Variants in CACNA2D3 observed in about 807,000 individuals in gnomAD.
The protein encoded by CACNA2D3 is calcium voltage-gated channel auxiliary subunit alpha2delta 3.
Under a neutral mutation model 160.6 loss-of-function variants are expected in CACNA2D3, and 60 were observed. The ratio of observed to expected loss-of-function variants is 0.37; its 90% CI spans 0.30 to 0.46. The LOEUF (loss-of-function observed/expected upper bound fraction) is 0.46, where lower values mean the gene tolerates loss of function less well. Ranked by LOEUF, CACNA2D3 falls within the 20% of genes least tolerant of loss-of-function variation. The pLI, the probability that CACNA2D3 is intolerant of heterozygous loss-of-function variation, is 1.00. For synonymous variants in CACNA2D3, 558 were observed against 492.9 expected, an observed-to-expected ratio of 1.13 and a Z score of -1.75; for missense variants, 1,205 against 1,365.0, an observed-to-expected ratio of 0.88 and a Z score of 1.85.
At chr3:54,366,699 T>G (rs183630556) in intron 3 of CACNA2D3, among the ~76,000 whole-genome samples, 13 of 152,342 alleles carry the variant, frequency 8.5e-5, no homozygotes, top group African/African-American at 2.9e-4. Flanking sequence ...GCATTTCACT[T>G]TGGAAATCAC....
At chr3:54,951,962 C>T (rs1258877947) in intron 27 of CACNA2D3, among the ~76,000 whole-genome samples, 2 of 152,186 alleles carry the variant, frequency 1.3e-5, no homozygotes, top group African/African-American at 4.8e-5. Context: ...GATTCTCCTG[C>T]CTCAGCCTCC....
chr3:54,261,906 A>C (rs1559900152), intron 2 of CACNA2D3, among the ~76,000 whole-genome samples: 2 of 152,252 alleles, frequency 1.3e-5, no homozygotes, highest in East Asian at 3.9e-4. Context: ...CCCCCACTGG[A>C]ATTGCACAGA....
intron 2 of CACNA2D3, among the ~76,000 whole-genome samples, chr3:54,305,165 G>A (rs1559916358): frequency 6.6e-6 from 1 of 152,170 alleles, no homozygotes; most frequent in Non-Finnish European, 1.5e-5. Flanking sequence ...TATGAGACAA[G>A]ACAGTTATTA....
intron 2 of CACNA2D3, among the ~76,000 whole-genome samples, chr3:54,157,747 C>T (rs766233512): frequency 2.7e-5 from 4 of 150,908 alleles, no homozygotes; most frequent in Non-Finnish European, 5.9e-5. Flanking sequence ...GCCGAGATGG[C>T]GCCATTGCAC....
At chr3:54,498,224 G>GT (rs1206538651) in intron 4 of CACNA2D3, among the ~76,000 whole-genome samples, 2 of 151,464 alleles carry the variant, frequency 1.3e-5, no homozygotes, top group Non-Finnish European at 3.0e-5. Flanking sequence ...TTGTTTGTTT[G>GT]TTTTATCATG....
At position 54,982,418 on chromosome 3, in the gene CACNA2D3, C is replaced by T. The variant is rs761015000; in HGVS notation, c.2557-2190C>T. 4.6e-5 allele frequency among the ~76,000 whole-genome samples: 7 copies of T among 152,146 alleles called. No individual in the cohort carries two copies. In the South Asian group the frequency reaches 6.2e-4, roughly 14 times the overall value. On this transcript the variant is annotated intron_variant, in intron 29 of 37. Coordinates refer to ENST00000474759, the MANE Select transcript of CACNA2D3 (RefSeq NM_018398.3). ...GTTGGGCCTCTAACCCAGTCCCATC[C>T]TTTACCCAGGTAGATGCACCCCACT...
At chr3:54,604,839 A>G (rs1575376161) in intron 9 of CACNA2D3, among the ~76,000 whole-genome samples, 7 of 152,320 alleles carry the variant, frequency 4.6e-5, no homozygotes, top group African/African-American at 1.4e-4. Context: ...ATCAGATCAC[A>G]TCCCTTCTGT....
At chr3:54,611,968 G>A (rs954225337) in intron 9 of CACNA2D3, among the ~76,000 whole-genome samples, 4 of 152,182 alleles carry the variant, frequency 2.6e-5, no homozygotes, top group African/African-American at 9.7e-5. Flanking sequence ...ATTTGCACAA[G>A]GACTATATTA....
At chr3:54,379,098 G>A (rs1699058244) in intron 3 of CACNA2D3, among the ~76,000 whole-genome samples, 1 of 152,196 alleles carries the variant, frequency 6.6e-6, no homozygotes, top group Admixed American at 6.5e-5. Context: ...GGGGAGGAGT[G>A]AAGGAAGGGA....
rs1038998665 is a variant in CACNA2D3 at position 55,050,463 on chromosome 3, C to A, written c.2988-22982C>A. Among the ~76,000 whole-genome samples the A allele has an allele frequency of 1.3e-4, 20 of 151,302 alleles. 1 individual carries two copies. In the South Asian group the frequency reaches 3.8e-3, roughly 29 times the overall value. On this transcript the variant is annotated intron_variant, in intron 35 of 37. Coordinates refer to ENST00000474759, the MANE Select transcript of CACNA2D3 (RefSeq NM_018398.3). Reference sequence around the variant, plus strand: ...CTCTTCTGGCTTGTAGAGTTTCTGCCGAGAGATCCGCTGTTAGTCTGATGG... The same window carrying A: ...CTCTTCTGGCTTGTAGAGTTTCTGCAGAGAGATCCGCTGTTAGTCTGATGG...
rs890646338 is a variant in CACNA2D3 at position 54,944,101 on chromosome 3, A to G, written c.2450-24349A>G. 2.6e-5 allele frequency among the ~76,000 whole-genome samples: 4 copies of G among 152,168 alleles called. No individual in the cohort carries two copies. The South Asian group carries it at 8.3e-4, about 32-fold the overall frequency. On this transcript the variant is annotated intron_variant, in intron 27 of 37. Transcript: ENST00000474759. The stretch of plus-strand genomic sequence containing the variant: ...CTTCCTGTGTTGTTTAGGAAGTCTG[A>G]TATCATACCATTTCCATATCCTTTG...
At chr3:54,304,104 GT>G (rs1470418610) in intron 2 of CACNA2D3, among the ~76,000 whole-genome samples, 8 of 152,098 alleles carry the variant, frequency 5.3e-5, no homozygotes, top group African/African-American at 1.4e-4. Context: ...TTTGCAGGAT[GT>G]TTAGCAGCAT....
At chr3:54,607,446 G>A (rs73844111) in intron 9 of CACNA2D3, among the ~76,000 whole-genome samples, 4,737 of 151,966 alleles carry the variant, frequency 0.031, 250 homozygotes, top group African/African-American at 0.11. Flanking sequence ...CGATGAGGCC[G>A]GACTCCCTGC....
chr3:54,873,431 C>G (rs956847161), intron 18 of CACNA2D3, among the ~76,000 whole-genome samples: 3 of 151,908 alleles, frequency 2.0e-5, no homozygotes, highest in Non-Finnish European at 4.4e-5. Context: ...ACTGAATCGT[C>G]TCCCTTTTTG....
intron 2 of CACNA2D3, among the ~76,000 whole-genome samples, chr3:54,139,894 G>A (rs1699888012): frequency 1.3e-5 from 2 of 152,206 alleles, no homozygotes; most frequent in Non-Finnish European, 2.9e-5. Flanking sequence ...CACATCTCAG[G>A]AACACTGGCT....
At chr3:54,615,115 C>T (rs181941159) in intron 9 of CACNA2D3, among the ~76,000 whole-genome samples, 74 of 152,302 alleles carry the variant, frequency 4.9e-4, no homozygotes, top group Non-Finnish European at 9.0e-4. Context: ...AGAGGAAGCA[C>T]TTCTTCGCAG....
In CACNA2D3 at chr3:54,598,221, T is replaced by C. The variant is rs1373273766; in HGVS notation, c.963+16344T>C. Among the ~76,000 whole-genome samples, 6 of 141,346 alleles carry C rather than the reference T, an allele frequency of 4.2e-5. No homozygotes were observed. The Admixed American group carries it at 4.4e-4, about 10-fold the overall frequency. The allele number at this position is 141,346 out of a possible 152,430, so 92.7% of individuals were successfully genotyped here. On this transcript the variant is annotated intron_variant, in intron 9 of 37. Coordinates refer to ENST00000474759, the MANE Select transcript of CACNA2D3 (RefSeq NM_018398.3). ...TACTTAGGAGACTGAGGCAGGAGAA[T>C]CGCTTGAACCTGGGAGGCGGAGGTT...
chr3:54,810,950 C>A (rs1049109068), intron 13 of CACNA2D3, among the ~76,000 whole-genome samples: 1 of 152,192 alleles, frequency 6.6e-6, no homozygotes, highest in Admixed American at 6.5e-5. Context: ...CTCCTTTGTG[C>A]CTCACCTATT....
intron 34 of CACNA2D3, among the ~76,000 whole-genome samples, chr3:55,015,309 G>C (rs1400514941): frequency 6.6e-6 from 1 of 152,104 alleles, no homozygotes. Context: ...GGATGAATTT[G>C]GGCAATTTAC....
Sources: allele counts gnomAD v4.1 joint callset (sites outside exome capture counted in the v4.1 genomes callset), GRCh38; gene constraint gnomAD v4.1.1; transcripts MANE v1.5; gene names NCBI Gene and HGNC (gene_info 2026-07-23, HGNC 2026-07-21).